TFCP2: variants seen among roughly 807,000 people sequenced by gnomAD.
TFCP2 encodes alpha-globin transcription factor CP2.
TFCP2 carries 33 observed loss-of-function variants against 73.4 expected under a neutral mutation model. The ratio of observed to expected loss-of-function variants is 0.45; its 90% CI spans 0.34 to 0.60. TFCP2 has a LOEUF of 0.60. Ranked by LOEUF, TFCP2 falls within the 20% of genes least tolerant of loss-of-function variation. The pLI, the probability that TFCP2 is intolerant of heterozygous loss-of-function variation, is 0.01. For synonymous variants in TFCP2, 193 were observed against 211.6 expected, an observed-to-expected ratio of 0.91 and a Z score of 0.76; for missense variants, 352 against 604.0, an observed-to-expected ratio of 0.58 and a Z score of 4.37.
chr12:51,139,394 G>A (rs536170512), intron 1 of TFCP2, among the ~76,000 whole-genome samples: 5 of 151,718 alleles, frequency 3.3e-5, no homozygotes, highest in South Asian at 2.1e-4. Flanking sequence ...ATAGTGAGAC[G>A]GCGTCTTGCT....
chr12:51,120,214 C>T lies in TFCP2; in HGVS notation c.123-1442G>A, dbSNP rs867324498. ...AAAAAAAAAAAAAGAACAACAACAA[C>T]AACAAAAAAATAAAAACTGGAAAGA... On this transcript the variant is annotated intron_variant, in intron 1 of 14. Coordinates refer to ENST00000257915, the MANE Select transcript of TFCP2 (RefSeq NM_005653.5). 6.0e-5 allele frequency among the ~76,000 whole-genome samples: 7 copies of T among 116,910 alleles called. No individual in the cohort carries two copies. The Middle Eastern group carries it at 0.014, about 228-fold the overall frequency. The allele number at this position is 116,910 out of a possible 152,430, so 76.7% of individuals were successfully genotyped here. A position where few individuals can be genotyped will look rare whatever the true frequency, so the allele number is the denominator to read the frequency against.
chr12:51,144,820 G>A (rs1199743634), intron 1 of TFCP2, among the ~76,000 whole-genome samples: 3 of 152,226 alleles, frequency 2.0e-5, no homozygotes, highest in Non-Finnish European at 4.4e-5. Context: ...CCAACACTTT[G>A]GGAGGCTGAG....
At chr12:51,105,338 C>T (rs1275395108) in intron 8 of TFCP2, among the ~76,000 whole-genome samples, 1 of 152,016 alleles carries the variant, frequency 6.6e-6, no homozygotes, top group African/African-American at 2.4e-5. Context: ...GTAATCTGCC[C>T]ACCTTGGCTT....
rs147171985 is a variant in TFCP2, at chr12:51,141,205, C to CA, written c.123-22434dup. On this transcript the variant is annotated intron_variant, in intron 1 of 14. Transcript: ENST00000257915. ...CCTCAGCCTCCTGAGTAGCTGGGAC[C>CA]AAAAAAAAAAGCAGGGGGAAGTGGG... is the stretch of plus-strand genomic sequence containing the variant. 1.7e-4 allele frequency among the ~76,000 whole-genome samples: 24 copies of CA among 141,338 alleles called. No homozygotes were observed. The East Asian group carries it at 2.8e-3, about 17-fold the overall frequency. The allele number at this position is 141,338 out of a possible 152,430, so 92.7% of individuals were successfully genotyped here. A position where few individuals can be genotyped will look rare whatever the true frequency, so the allele number is the denominator to read the frequency against.
At chr12:51,167,399 ATT>A (rs35752302) in intron 1 of TFCP2, among the ~76,000 whole-genome samples, 27 of 149,630 alleles carry the variant, frequency 1.8e-4, no homozygotes, top group South Asian at 2.1e-4. Context: ...ACTGATTGAC[ATT>A]TTTTTTTTTT....
Position 51,156,392 on chromosome 12 carries a change from T to C in TFCP2, c.122+15909A>G, listed in dbSNP as rs1049199330. Among the ~76,000 whole-genome samples the C allele has an allele frequency of 3.3e-5, 5 of 151,936 alleles. No homozygotes were observed. In the East Asian group the frequency reaches 7.7e-4, roughly 24 times the overall value. On this transcript the variant is annotated intron_variant, in intron 1 of 14. Transcript: ENST00000257915. ...AACAACCAGCTCTTGAGTAAACTAA[T>C]AGAGCAAAAATGCACTCATTACCAT...
chr12:51,124,640 A>G, intron 1 of TFCP2: 1 of 562,566 alleles, frequency 1.8e-6, no homozygotes, highest in Non-Finnish European at 3.4e-6. Context: ...ATGTTCCGAG[A>G]GCCTCCGCGG....
chr12:51,146,205 G>C (rs1592826945), intron 1 of TFCP2, among the ~76,000 whole-genome samples: 1 of 152,000 alleles, frequency 6.6e-6, no homozygotes, highest in East Asian at 1.9e-4. Context: ...CTACTCGGGA[G>C]GCTAAGGTAG....
At chr12:51,126,812 T>C (rs1940828940) in intron 1 of TFCP2, among the ~76,000 whole-genome samples, 1 of 152,116 alleles carries the variant, frequency 6.6e-6, no homozygotes, top group African/African-American at 2.4e-5. Flanking sequence ...GAGACTACAC[T>C]CTACTCTGAG....
At chr12:51,164,863 A>G (rs1941721304) in intron 1 of TFCP2, among the ~76,000 whole-genome samples, 1 of 152,214 alleles carries the variant, frequency 6.6e-6, no homozygotes, top group African/African-American at 2.4e-5. Context: ...ACCTATAATA[A>G]GAGATTGAAT....
rs1041232820 is a variant in TFCP2, at chr12:51,095,250, T to C, written c.1500A>G (p.Ile500Met). 1.9e-6 allele frequency: 3 copies of C among 1,613,944 alleles called. No homozygotes were observed. The African/African-American group carries it at 4.0e-5, about 22-fold the overall frequency. The change falls in exon 15 of 15, where the codon ATA becomes ATG. Residue 500 changes from isoleucine (I) to methionine (M), a missense_variant. By Grantham distance (10) the Ile-to-Met change is conservative. Around this residue, in one of 6 missense-constraint regions of TFCP2, gnomAD observed 194 missense variants for 256.3 expected, o/e 0.76. Coordinates refer to ENST00000257915, the MANE Select transcript of TFCP2 (RefSeq NM_005653.5). ...KAETNDSYHIILK is the reference protein window; with the variant it reads ...KAETNDSYHIMLK ...ACGAAACGCCGCACTCCTACTTCAG[T>C]ATGATATGATAGCTATCATTGGTTT... is the stretch of plus-strand genomic sequence containing the variant.
chr12:51,141,082 T>TA (rs1165524197), intron 1 of TFCP2, among the ~76,000 whole-genome samples: 1 of 123,704 alleles, frequency 8.1e-6, no homozygotes, highest in Non-Finnish European at 1.7e-5. Flanking sequence ...ATAATAATAA[T>TA]AAAAAAATAA....
chr12:51,095,392 G>A (rs1294082338), intron 14 of TFCP2, 114 bp from the exon 15 acceptor site: 5 of 1,136,082 alleles, frequency 4.4e-6, no homozygotes, highest in Non-Finnish European at 6.6e-6. Context: ...GGTGGAGGTT[G>A]CAGTGAGCTG....
chr12:51,171,624 C>T (rs1357803424), intron 1 of TFCP2, among the ~76,000 whole-genome samples: 1 of 151,880 alleles, frequency 6.6e-6, no homozygotes, highest in Non-Finnish European at 1.5e-5. Context: ...GTGATCCGCC[C>T]GCCTCAGCCT....
Position 51,145,403 on chromosome 12 carries a change from T to C in TFCP2, c.123-26631A>G, listed in dbSNP as rs1326599443. 2.9e-5 allele frequency among the ~76,000 whole-genome samples: 4 copies of C among 138,044 alleles called. No individual in the cohort carries two copies. The Admixed American group carries it at 2.9e-4, about 10-fold the overall frequency. 90.6% of individuals were successfully genotyped at this position (138,044 alleles called of 152,430 possible). A position where few individuals can be genotyped will look rare whatever the true frequency, so the allele number is the denominator to read the frequency against. On this transcript the variant is annotated intron_variant, in intron 1 of 14. Transcript: ENST00000257915. ...TCTCAGAAAAAAAAAAAAATACAAA[T>C]ACAAATACAAAAATTAGCCGGGTGT... is the stretch of plus-strand genomic sequence containing the variant.
intron 7 of TFCP2, 105 bp from the exon 8 acceptor site, chr12:51,106,718 TC>T (rs1940255331): frequency 2.3e-5 from 20 of 865,798 alleles, no homozygotes; most frequent in South Asian, 2.1e-4. Flanking sequence ...AAATCTTAAT[TC>T]CTCAGAGACT....
At chr12:51,126,150 G>A (rs560278235) in intron 1 of TFCP2, among the ~76,000 whole-genome samples, 55 of 148,814 alleles carry the variant, frequency 3.7e-4, no homozygotes, top group African/African-American at 1.2e-3. Context: ...GGAGAATGGC[G>A]TGAACCCGGG....
chr12:51,141,594 C>G (rs943123650), intron 1 of TFCP2, among the ~76,000 whole-genome samples: 11 of 151,894 alleles, frequency 7.2e-5, no homozygotes, highest in African/African-American at 2.7e-4. Flanking sequence ...TAAGAATATG[C>G]CCATATAAAA....
In TFCP2 at chr12:51,168,782, C is replaced by A. The variant is rs1167922502; in HGVS notation, c.122+3519G>T. On this transcript the variant is annotated intron_variant, in intron 1 of 14. Coordinates refer to ENST00000257915, the MANE Select transcript of TFCP2 (RefSeq NM_005653.5). ...TACAGGCACGAGCCACCATGCCTAT[C>A]CCCAACTGTATTTTTATTTTTATTT... 4.0e-5 allele frequency among the ~76,000 whole-genome samples: 6 copies of A among 150,776 alleles called. No individual in the cohort carries two copies. The East Asian group carries it at 9.9e-4, about 25-fold the overall frequency.
Sources: allele counts gnomAD v4.1 joint callset (sites outside exome capture counted in the v4.1 genomes callset), GRCh38; gene constraint gnomAD v4.1.1; regional missense constraint gnomAD v4.1.1; transcripts MANE v1.5; gene names NCBI Gene and HGNC (gene_info 2026-07-23, HGNC 2026-07-21).